ERCC6L2: variants seen among roughly 807,000 people sequenced by gnomAD.
The protein encoded by ERCC6L2 is DNA excision repair protein ERCC-6-like 2.
ERCC6L2 carries 77 observed loss-of-function variants against 132.0 expected under a neutral mutation model. The ratio of observed to expected loss-of-function variants is 0.58; its 90% CI spans 0.49 to 0.71. ERCC6L2 has a LOEUF of 0.71. ERCC6L2 is among the 30% of genes least tolerant of loss of function. The pLI, the probability that ERCC6L2 is intolerant of heterozygous loss-of-function variation, is 0.00. For missense variants in ERCC6L2, 1,542 were observed against 1,837.6 expected, an observed-to-expected ratio of 0.84 and a Z score of 2.94; for synonymous variants, 583 against 632.4, an observed-to-expected ratio of 0.92 and a Z score of 1.17.
intron 13 of ERCC6L2, among the ~76,000 whole-genome samples, chr9:95,958,103 C>T (rs1208390325): frequency 1.4e-5 from 2 of 147,612 alleles, no homozygotes; most frequent in Non-Finnish European, 3.0e-5. Context: ...GTTCAATTCC[C>T]ACCTATGAGT....
intron 3 of ERCC6L2, 93 bp downstream of exon 3, chr9:95,898,064 G>T (rs1051078205): frequency 8.8e-7 from 1 of 1,130,918 alleles, no homozygotes; most frequent in Non-Finnish European, 1.2e-6. Context: ...AAATGTATTG[G>T]TATACATTTT....
intron 17 of ERCC6L2, among the ~76,000 whole-genome samples, chr9:95,990,770 C>T (rs757613494): frequency 2.6e-5 from 4 of 152,316 alleles, no homozygotes; most frequent in Non-Finnish European, 2.9e-5. Context: ...CTCTCCCATC[C>T]GGGGACAGCC....
chr9:96,020,750 T>C (rs576913003), downstream of ERCC6L2: 1,259 of 456,730 alleles, frequency 2.8e-3, 25 homozygotes, highest in Admixed American at 1.8e-3. Context: ...AAAAGGCCAC[T>C]TCCAAACTGT....
At chr9:95,982,114 T>C (rs190897583) in intron 17 of ERCC6L2, among the ~76,000 whole-genome samples, 31 of 152,212 alleles carry the variant, frequency 2.0e-4, no homozygotes, top group African/African-American at 7.5e-4. Context: ...AAATAACGGG[T>C]CGCTTTGTAG....
chr9:96,012,476 C>T lies in ERCC6L2; in HGVS notation c.3926C>T (p.Ser1309Leu). 7.3e-7 allele frequency: 1 copy of T among 1,367,350 alleles called. No individual in the cohort carries two copies. The highest frequency in any genetic ancestry group is 9.8e-7 in the Non-Finnish European group (1 of 1,021,760). The allele number at this position is 1,367,350 out of a possible 1,614,324, so 84.7% of individuals were successfully genotyped here. A position where few individuals can be genotyped will look rare whatever the true frequency, so the allele number is the denominator to read the frequency against. The change falls in exon 19 of 19, where the codon TCA becomes TTA. Residue 1309 changes from serine (S) to leucine (L), a missense_variant. Ser to Leu is a moderately radical substitution (Grantham distance 145). Coordinates refer to ENST00000653738, the MANE Select transcript of ERCC6L2 (RefSeq NM_020207.7). ...KRESLIKPRL[S>L]DSETLSFKDS... Reference sequence around the variant, plus strand: ...GAATCTCTTATAAAACCAAGGCTGTCAGATTCTGAAACCTTGTCATTTAAA... The same window carrying T: ...GAATCTCTTATAAAACCAAGGCTGTTAGATTCTGAAACCTTGTCATTTAAA...
intron 4 of ERCC6L2, among the ~76,000 whole-genome samples, chr9:95,907,882 C>A: frequency 6.6e-6 from 1 of 151,708 alleles, no homozygotes; most frequent in African/African-American, 2.4e-5. Flanking sequence ...CCCACTGTAG[C>A]ATAGAGTGTG....
At position 95,880,325 on chromosome 9, in the gene ERCC6L2, A is replaced by C. The variant is rs955012793; in HGVS notation, c.47-544A>C. ...TAGAGAAAGGCAATGGAATAACTGTAAAAAAGACAGATGAACCACAAAGCA... is the reference window on the plus strand; with the variant it reads ...TAGAGAAAGGCAATGGAATAACTGTCAAAAAGACAGATGAACCACAAAGCA... On this transcript the variant is annotated intron_variant, in intron 1 of 18. Transcript: ENST00000653738. Among the ~76,000 whole-genome samples, 8 of 152,322 alleles carry C rather than the reference A, an allele frequency of 5.3e-5. No homozygotes were observed. The East Asian group carries it at 1.3e-3, about 26-fold the overall frequency.
chr9:95,907,314 T>C (rs746713962), intron 4 of ERCC6L2, 43 bp downstream of exon 4: 1 of 1,221,668 alleles, frequency 8.2e-7, no homozygotes, highest in Non-Finnish European at 1.1e-6. Context: ...ATTAATAGTC[T>C]ACTTACATCC....
chr9:95,946,497 C>A (rs1587955019), intron 12 of ERCC6L2, among the ~76,000 whole-genome samples: 1 of 152,202 alleles, frequency 6.6e-6, no homozygotes, highest in East Asian at 1.9e-4. Flanking sequence ...CACTGCATTC[C>A]AGCCTGGGTG....
chr9:96,040,242 T>C (rs1834563599), intron 20 of ERCC6L2, among the ~76,000 whole-genome samples: 1 of 151,950 alleles, frequency 6.6e-6, no homozygotes, highest in South Asian at 2.1e-4. Flanking sequence ...TTCCTGCTCA[T>C]GTCCTTGTCC....
chr9:95,973,906 T>C (rs1269547585), intron 16 of ERCC6L2, among the ~76,000 whole-genome samples: 1 of 152,162 alleles, frequency 6.6e-6, no homozygotes, highest in East Asian at 1.9e-4. Flanking sequence ...CTTACAGAGT[T>C]TCCCTCAGTT....
intron 2 of ERCC6L2, among the ~76,000 whole-genome samples, chr9:95,884,842 A>G (rs913288099): frequency 6.6e-6 from 1 of 152,230 alleles, no homozygotes; most frequent in African/African-American, 2.4e-5. Flanking sequence ...AAAGGGAATA[A>G]AAGTGACCTA....
intron 18 of ERCC6L2, among the ~76,000 whole-genome samples, chr9:96,006,206 C>CAG (rs1833858113): frequency 6.7e-6 from 1 of 149,946 alleles, no homozygotes; most frequent in Admixed American, 6.6e-5. Flanking sequence ...AAATAGAGCA[C>CAG]AGAGAGGAGG....
At chr9:95,894,756 A>G (rs1302874300) in intron 2 of ERCC6L2, among the ~76,000 whole-genome samples, 1 of 151,804 alleles carries the variant, frequency 6.6e-6, no homozygotes, top group East Asian at 1.9e-4. Flanking sequence ...CACCATGCCC[A>G]GCTAATTTTT....
intron 12 of ERCC6L2, among the ~76,000 whole-genome samples, chr9:95,949,646 A>G (rs956602130): frequency 4.6e-5 from 7 of 152,196 alleles, no homozygotes; most frequent in African/African-American, 1.4e-4. Context: ...CTGCCCTTCA[A>G]AAATGAGGGT....
intron 19 of ERCC6L2, among the ~76,000 whole-genome samples, chr9:96,031,112 A>T (rs1321210923): frequency 6.6e-6 from 1 of 152,166 alleles, no homozygotes; most frequent in East Asian, 1.9e-4. Flanking sequence ...TTTCCAAAGC[A>T]CCTGCTGTGT....
chr9:95,923,110 T>G, intron 8 of ERCC6L2, 150 bp from the exon 9 acceptor site: 1 of 810,590 alleles, frequency 1.2e-6, no homozygotes, highest in Non-Finnish European at 1.8e-6. Context: ...ACTTTAAGAG[T>G]TTTTGAATTC....
chr9:95,930,523 A>G (rs548927206), intron 11 of ERCC6L2, among the ~76,000 whole-genome samples: 3 of 152,158 alleles, frequency 2.0e-5, no homozygotes, highest in Non-Finnish European at 4.4e-5. Flanking sequence ...AGTCTTCATT[A>G]TCTTTTAGTT....
intron 12 of ERCC6L2, among the ~76,000 whole-genome samples, chr9:95,952,025 G>T (rs958494199): frequency 3.3e-5 from 5 of 151,760 alleles, no homozygotes; most frequent in African/African-American, 1.2e-4. Flanking sequence ...AAAATTAGCT[G>T]GGCGTGGTGG....
Sources: allele counts gnomAD v4.1 joint callset (sites outside exome capture counted in the v4.1 genomes callset), GRCh38; gene constraint gnomAD v4.1.1; transcripts MANE v1.5; gene names NCBI Gene and HGNC (gene_info 2026-07-23, HGNC 2026-07-21).